Variants in ALDH18A1 observed in about 807,000 individuals in gnomAD.
ALDH18A1 encodes the protein delta-1-pyrroline-5-carboxylate synthase.
In ALDH18A1, 44 loss-of-function variants were observed where a neutral mutation model predicts 88.8. The observed-to-expected ratio is 0.50, with a 90% CI of 0.39 to 0.64. The LOEUF is 0.64. Among genes scored for constraint, ALDH18A1 ranks in the 30% least tolerant of loss-of-function variants. The probability of loss-of-function intolerance (pLI) is 0.00; values close to 1 mark genes in which losing one functional copy is unlikely to be tolerated. For missense variants in ALDH18A1, 782 were observed against 1,009.5 expected (o/e 0.77, Z 3.05); for synonymous variants, 331 against 372.1 (o/e 0.89, Z 1.27).
chr10:95,629,949 T>C (rs1433573406), intron 7 of ALDH18A1, among the ~76,000 whole-genome samples: 1 of 151,942 alleles, frequency 6.6e-6, no homozygotes, highest in Non-Finnish European at 1.5e-5. Context: ...TTTTTTTACC[T>C]TGTCAAGCAG....
At chr10:95,626,816 A>T in intron 9 of ALDH18A1, 40 bp from the exon 10 acceptor site, 1 of 1,606,740 alleles carries the variant, frequency 6.2e-7, no homozygotes, top group South Asian at 1.1e-5. Context: ...TGGTCACCTT[A>T]GTTCTCTCTC....
In ALDH18A1 at chr10:95,637,927, C is replaced by T. The variant is rs183089336; in HGVS notation, c.304-491G>A. Among the ~76,000 whole-genome samples, 298 of 152,102 alleles carry T rather than the reference C, an allele frequency of 2.0e-3. 5 individuals carry two copies. Among genetic ancestry groups the T allele is most frequent in the African/African-American group, 6.7e-3 (278 of 41,462 alleles). On this transcript the variant is annotated intron_variant, in intron 3 of 17. Coordinates refer to ENST00000371224, the MANE Select transcript of ALDH18A1 (RefSeq NM_002860.4). ...AGTAACCCATGATCGCACCACCACA[C>T]TCCAACCTGGGCAATAGAATGAGAG...
intron 2 of ALDH18A1, among the ~76,000 whole-genome samples, chr10:95,646,925 C>A (rs1485131336): frequency 6.6e-6 from 1 of 152,138 alleles, no homozygotes. Context: ...AATCCTTATG[C>A]CCAGTAACCA....
intron 2 of ALDH18A1, among the ~76,000 whole-genome samples, chr10:95,649,224 T>C (rs539058244): frequency 4.1e-5 from 6 of 145,752 alleles, no homozygotes; most frequent in South Asian, 2.2e-4. Flanking sequence ...TAACTCAAAA[T>C]AGATCACGAA....
At chr10:95,642,394 A>T (rs976703320) in intron 3 of ALDH18A1, among the ~76,000 whole-genome samples, 4 of 152,326 alleles carry the variant, frequency 2.6e-5, no homozygotes, top group African/African-American at 9.6e-5. Context: ...TGGGAGGATC[A>T]CTTGAGCCCA....
chr10:95,648,042 C>A (rs2097904051), intron 2 of ALDH18A1, among the ~76,000 whole-genome samples: 1 of 152,166 alleles, frequency 6.6e-6, no homozygotes, highest in Admixed American at 6.5e-5. Context: ...ATCAATCAAG[C>A]CCAAAGAGGG....
At chr10:95,629,596 C>T (rs562318305) in intron 7 of ALDH18A1, among the ~76,000 whole-genome samples, 1 of 152,238 alleles carries the variant, frequency 6.6e-6, no homozygotes, top group African/African-American at 2.4e-5. Flanking sequence ...AGATACAGTG[C>T]TATGAGATCA....
At chr10:95,620,962 T>C (rs2097851326) in intron 12 of ALDH18A1, 69 bp downstream of exon 12, 1 of 1,396,564 alleles carries the variant, frequency 7.2e-7, no homozygotes, top group Non-Finnish European at 9.9e-7. Context: ...AAAGAAAATA[T>C]ATTCTTCCTC....
In ALDH18A1 at chr10:95,628,237, A is replaced by G. The variant is rs932138164; in HGVS notation, c.933+131T>C. 4.2e-5 allele frequency: 50 copies of G among 1,190,402 alleles called. No individual in the cohort carries two copies. The Admixed American group carries it at 4.3e-4, about 10-fold the overall frequency. 73.7% of individuals were successfully genotyped at this position (1,190,402 alleles called of 1,614,324 possible). On this transcript the variant is annotated intron_variant, in intron 8 of 17. Transcript: ENST00000371224. Reference sequence around the variant, plus strand: ...ACACTCATTAAATCTGTATTTAGGTATGTACATATTTAAGTGTGTATGTGC... The same window carrying G: ...ACACTCATTAAATCTGTATTTAGGTGTGTACATATTTAAGTGTGTATGTGC...
Position 95,626,749 on chromosome 10 carries a change from AT to A in ALDH18A1, c.1105del (p.Met369TrpfsTer28). The A allele has an allele frequency of 6.2e-7, 1 of 1,613,926 alleles. No homozygotes were observed. The highest frequency in any genetic ancestry group is 8.5e-7 in the Non-Finnish European group (1 of 1,179,928). On this transcript the variant is annotated frameshift_variant, in exon 10 of 18. Transcript: ENST00000371224. LOFTEE classifies it high-confidence loss of function. The part of the protein sequence containing the change: ...AGPTVEQQGE[M>X]ARSGGRMLAT... ...CAACATCCTTCCTCCAGATCGCGCC[AT>A]TTCTCCCTGCTGCTCAACAGTAGGG... is the stretch of plus-strand genomic sequence containing the variant.
In ALDH18A1 at chr10:95,612,156, G is replaced by A. The variant is rs143803534; in HGVS notation, c.1924-714C>T. ...TGCCACATATACATTGCTACTCCCT[G>A]TACCCTAGCGAAGTCCCAGGTTTGC... On this transcript the variant is annotated intron_variant, in intron 15 of 17. Coordinates refer to ENST00000371224, the MANE Select transcript of ALDH18A1 (RefSeq NM_002860.4). 3.1e-3 allele frequency among the ~76,000 whole-genome samples: 468 copies of A among 152,302 alleles called. 2 individuals carry two copies. Among genetic ancestry groups the A allele is most frequent in the African/African-American group, 0.011 (442 of 41,566 alleles).
intron 2 of ALDH18A1, among the ~76,000 whole-genome samples, chr10:95,645,911 G>T (rs1243920889): frequency 6.6e-6 from 1 of 152,068 alleles, no homozygotes; most frequent in Non-Finnish European, 1.5e-5. Flanking sequence ...AATAATATAG[G>T]TACCCTACTC....
chr10:95,615,136 A>C (rs1385530673), intron 13 of ALDH18A1, among the ~76,000 whole-genome samples: 1 of 152,120 alleles, frequency 6.6e-6, no homozygotes, highest in Non-Finnish European at 1.5e-5. Context: ...CAGCCTGGGC[A>C]ACATGGTGAA....
At chr10:95,634,176 C>G (rs894611608) in intron 5 of ALDH18A1, among the ~76,000 whole-genome samples, 2 of 152,180 alleles carry the variant, frequency 1.3e-5, no homozygotes, top group African/African-American at 4.8e-5. Context: ...CCTCAAAGAG[C>G]TACCAAATTC....
chr10:95,655,855 T>G (rs2097917257), intron 1 of ALDH18A1, among the ~76,000 whole-genome samples: 1 of 152,180 alleles, frequency 6.6e-6, no homozygotes, highest in Non-Finnish European at 1.5e-5. Context: ...AATGCCCTTA[T>G]CTAACTGATT....
intron 17 of ALDH18A1, among the ~76,000 whole-genome samples, chr10:95,608,100 T>C (rs1006823315): frequency 4.6e-5 from 7 of 152,232 alleles, no homozygotes; most frequent in Non-Finnish European, 1.0e-4. Context: ...GTGCTGGGAA[T>C]GTAGTAAATG....
chr10:95,606,516 G>A lies in ALDH18A1; in HGVS notation c.*246C>T. The A allele has an allele frequency of 2.2e-6, 3 of 1,359,576 alleles. No individual in the cohort carries two copies. In the South Asian group the frequency reaches 4.7e-5, roughly 21 times the overall value. 84.2% of individuals were successfully genotyped at this position (1,359,576 alleles called of 1,614,324 possible). A position where few individuals can be genotyped will look rare whatever the true frequency, so the allele number is the denominator to read the frequency against. On this transcript the variant is annotated 3_prime_UTR_variant, in exon 18 of 18. Transcript: ENST00000371224. ...CACCTTTCAATCCTAGAAGATAATT[G>A]GACTTGGCAAAGTCCCTATCGGTAG...
chr10:95,653,649 T>C (rs1332481550), intron 1 of ALDH18A1, among the ~76,000 whole-genome samples: 2 of 152,162 alleles, frequency 1.3e-5, no homozygotes, highest in African/African-American at 2.4e-5. Flanking sequence ...TAGGAATATT[T>C]TGAGACACAA....
At chr10:95,639,976 G>A (rs1033678592) in intron 3 of ALDH18A1, among the ~76,000 whole-genome samples, 1 of 152,020 alleles carries the variant, frequency 6.6e-6, no homozygotes, top group South Asian at 2.1e-4. Context: ...TGTTCATCAA[G>A]GGGATACATA....
Sources: allele counts gnomAD v4.1 joint callset (sites outside exome capture counted in the v4.1 genomes callset), GRCh38; gene constraint gnomAD v4.1.1; transcripts MANE v1.5; gene names NCBI Gene and HGNC (gene_info 2026-07-23, HGNC 2026-07-21).